NEK6: variants seen among roughly 807,000 people sequenced by gnomAD.
The protein encoded by NEK6 is NIMA related kinase 6, also known as serine/threonine-protein kinase Nek6.
Under a neutral mutation model 43.5 loss-of-function variants are expected in NEK6, and 27 were observed. That is an observed-to-expected ratio of 0.62 (90% confidence interval 0.46 to 0.86). The LOEUF (loss-of-function observed/expected upper bound fraction) is 0.86. Among genes scored for constraint, NEK6 ranks in the 40% least tolerant of loss-of-function variants. The pLI, the probability that NEK6 is intolerant of heterozygous loss-of-function variation, is 0.00. For missense variants in NEK6, 318 were observed against 414.4 expected, an observed-to-expected ratio of 0.77 and a Z score of 2.02; for synonymous variants, 167 against 164.1, an observed-to-expected ratio of 1.02 and a Z score of -0.14.
At chr9:124,291,281 A>G (rs1325310842) in intron 1 of NEK6, among the ~76,000 whole-genome samples, 2 of 152,190 alleles carry the variant, frequency 1.3e-5, no homozygotes, top group African/African-American at 4.8e-5. Flanking sequence ...TGGGCAACCA[A>G]GGATTTGGGC....
chr9:124,308,323 G>A (rs1833361995), intron 2 of NEK6, among the ~76,000 whole-genome samples: 1 of 152,108 alleles, frequency 6.6e-6, no homozygotes, highest in African/African-American at 2.4e-5. Flanking sequence ...GCCACAACAG[G>A]GTTTCACACA....
In NEK6 at chr9:124,327,234, G is replaced by A; in HGVS notation, c.515-104G>A. 10 of 897,954 alleles carry A rather than the reference G, an allele frequency of 1.1e-5. No homozygotes were observed. The South Asian group carries it at 1.3e-4, about 12-fold the overall frequency. 55.6% of individuals were successfully genotyped at this position (897,954 alleles called of 1,614,324 possible). The stretch of plus-strand genomic sequence containing the variant: ...CAGGACAGGGCCTTGCCCTGAGGGA[G>A]CAGGACCTGGGCTAGGCCTCACCTT... On this transcript the variant is annotated intron_variant, in intron 6 of 9. Coordinates refer to ENST00000320246, the MANE Select transcript of NEK6 (RefSeq NM_014397.6).
rs532899537 is a variant in NEK6, at chr9:124,310,878, G to T, written c.91-1631G>T. On this transcript the variant is annotated intron_variant, in intron 2 of 9. Coordinates refer to ENST00000320246, the MANE Select transcript of NEK6 (RefSeq NM_014397.6). ...TGGGATTACAGGCGTGAGCCACTGC[G>T]CCTGGCCTAGAAGAGACATTTTCAC... Among the ~76,000 whole-genome samples the T allele has an allele frequency of 1.3e-5, 2 of 152,222 alleles. 1 individual carries two copies. The highest frequency in any genetic ancestry group is 4.1e-4 in the South Asian group (2 of 4,824).
chr9:124,258,115 G>T (rs1172822017), intron 1 of NEK6, 30 bp downstream of exon 1: 13 of 978,758 alleles, frequency 1.3e-5, no homozygotes, highest in East Asian at 1.1e-4. Context: ...GGCCGGGCCG[G>T]TGGGGCCCCG....
At chr9:124,264,325 C>G (rs899442154) in intron 1 of NEK6, among the ~76,000 whole-genome samples, 3 of 152,222 alleles carry the variant, frequency 2.0e-5, no homozygotes, top group African/African-American at 7.2e-5. Flanking sequence ...GTCCACTCCT[C>G]TGTAGTCACC....
intron 7 of NEK6, among the ~76,000 whole-genome samples, chr9:124,338,996 C>G (rs1038015936): frequency 9.9e-5 from 15 of 151,150 alleles, no homozygotes; most frequent in African/African-American, 3.4e-4. Flanking sequence ...AACACCAACC[C>G]CCAGCTCTCC....
At chr9:124,321,347 CA>C (rs1834055363) in intron 4 of NEK6, 111 bp from the exon 5 acceptor site, 1 of 657,280 alleles carries the variant, frequency 1.5e-6, no homozygotes, top group Admixed American at 2.4e-5. Flanking sequence ...ACTTCTCTAG[CA>C]AATGCCAGGG....
intron 2 of NEK6, among the ~76,000 whole-genome samples, chr9:124,306,297 C>T (rs1171677067): frequency 6.6e-6 from 1 of 152,058 alleles, no homozygotes; most frequent in East Asian, 1.9e-4. Flanking sequence ...TATCATCTTT[C>T]GTATGTGTAA....
intron 1 of NEK6, among the ~76,000 whole-genome samples, chr9:124,266,272 A>C (rs1006823856): frequency 2.0e-5 from 3 of 152,138 alleles, no homozygotes; most frequent in African/African-American, 7.2e-5. Context: ...ACCTGAGGGA[A>C]CTCACTTCAT....
chr9:124,326,264 C>A lies in NEK6; in HGVS notation c.406-66C>A. 2 of 936,924 alleles carry A rather than the reference C, an allele frequency of 2.1e-6. No homozygotes were observed. Among genetic ancestry groups the A allele is most frequent in the South Asian group, 1.3e-5 (1 of 78,954 alleles). 58.0% of individuals were successfully genotyped at this position (936,924 alleles called of 1,614,324 possible). ...CTGGGGAAAGGACAGAGGCAGTGCC[C>A]TGTGGCCACCCACCTCCAAGCCCGC... On this transcript the variant is annotated intron_variant, in intron 5 of 9. Coordinates refer to ENST00000320246, the MANE Select transcript of NEK6 (RefSeq NM_014397.6). This position sits in a 1 kb window ranked among gnomAD's most constrained non-coding sequence, Gnocchi z 4.5.
rs1831449200 is a variant in NEK6, at chr9:124,271,815, C to T, written c.-30+13730C>T. On this transcript the variant is annotated intron_variant, in intron 1 of 9. Coordinates refer to ENST00000320246, the MANE Select transcript of NEK6 (RefSeq NM_014397.6). ...CACTCCTGCCCCTGAGCAGTCCATC[C>T]TTGTTCTTGGCAGGGAGCAGATCTC... 1.3e-5 allele frequency among the ~76,000 whole-genome samples: 2 copies of T among 152,264 alleles called. 1 individual carries two copies. The highest frequency in any genetic ancestry group is 4.1e-4 in the South Asian group (2 of 4,836).
chr9:124,260,377 C>T (rs1373564267), intron 1 of NEK6, among the ~76,000 whole-genome samples: 1 of 151,928 alleles, frequency 6.6e-6, no homozygotes, highest in East Asian at 1.9e-4. Flanking sequence ...ATAGATGGTC[C>T]CCATTTATTT....
chr9:124,338,193 C>T (rs1434264820), intron 7 of NEK6, among the ~76,000 whole-genome samples: 1 of 152,186 alleles, frequency 6.6e-6, no homozygotes, highest in Non-Finnish European at 1.5e-5. Flanking sequence ...GTTGGCCATG[C>T]TGGTCTCAAA....
upstream of NEK6, chr9:124,257,895 G>T (rs1830867116): frequency 1.0e-6 from 1 of 971,306 alleles, no homozygotes; most frequent in African/African-American, 1.8e-5. Flanking sequence ...CGCTGGGGGC[G>T]GCGCGGCCCC....
chr9:124,319,097 G>C (rs1391380893), intron 4 of NEK6, among the ~76,000 whole-genome samples: 1 of 152,112 alleles, frequency 6.6e-6, no homozygotes, highest in Non-Finnish European at 1.5e-5. Flanking sequence ...CGATTCTCCT[G>C]CCCCAACCTC....
At chr9:124,291,348 C>T (rs1052547715) in intron 1 of NEK6, among the ~76,000 whole-genome samples, 12 of 152,258 alleles carry the variant, frequency 7.9e-5, no homozygotes, top group South Asian at 4.1e-4. Context: ...CAGCAAGGGC[C>T]GGTCACGGTG....
intron 7 of NEK6, among the ~76,000 whole-genome samples, chr9:124,331,609 C>T (rs151167028): frequency 5.7e-4 from 87 of 152,320 alleles, no homozygotes; most frequent in Middle Eastern, 3.4e-3. Context: ...TCGCCAGCAG[C>T]AGGTGTTGGT....
intron 4 of NEK6, 36 bp downstream of exon 4, chr9:124,314,021 T>A (rs1269230079): frequency 6.2e-7 from 1 of 1,605,418 alleles, no homozygotes. Flanking sequence ...CTTTGCCTCC[T>A]CGGGGAGGTT....
At chr9:124,330,403 A>G (rs1401633600) in intron 7 of NEK6, among the ~76,000 whole-genome samples, 1 of 152,234 alleles carries the variant, frequency 6.6e-6, no homozygotes, top group African/African-American at 2.4e-5. Context: ...AGCAGCTGCA[A>G]GACAAATCAC....
Sources: allele counts gnomAD v4.1 joint callset (sites outside exome capture counted in the v4.1 genomes callset), GRCh38; gene constraint gnomAD v4.1.1; non-coding constraint Gnocchi (gnomAD v3.1); transcripts MANE v1.5; gene names NCBI Gene and HGNC (gene_info 2026-07-23, HGNC 2026-07-21).